MCTP1: variants seen among roughly 807,000 people sequenced by gnomAD.
MCTP1 encodes multiple C2 and transmembrane domain containing 1.
A neutral mutation model predicts 120.6 loss-of-function variants in MCTP1; 69 were observed. The observed-to-expected ratio is 0.57, with a 90% confidence interval of 0.47 to 0.70. MCTP1 has a LOEUF of 0.70. MCTP1 is among the 30% of genes least tolerant of loss of function. The pLI is 0.00. For missense variants in MCTP1, 1,203 were observed against 1,248.8 expected (o/e 0.96, Z 0.55); for synonymous variants, 529 against 493.1 (o/e 1.07, Z -0.96).
intron 1 of MCTP1, among the ~76,000 whole-genome samples, chr5:95,261,938 T>A (rs154063): frequency 0.86 from 130,357 of 152,214 alleles, 56,037 homozygotes; most frequent in African/African-American, 0.93. Flanking sequence ...GGGCTGGGAC[T>A]GCAGAGTTTC....
chr5:94,942,194 G>A (rs1349034930), intron 4 of MCTP1, among the ~76,000 whole-genome samples, 154 bp downstream of exon 4: 3 of 151,930 alleles, frequency 2.0e-5, no homozygotes, highest in Admixed American at 2.0e-4. Context: ...ATTTCCACTG[G>A]GTAAGTGAGG....
intron 1 of MCTP1, among the ~76,000 whole-genome samples, chr5:95,216,476 A>C (rs1382870000): frequency 2.6e-5 from 4 of 152,102 alleles, no homozygotes; most frequent in African/African-American, 9.7e-5. Context: ...CTTGGCATTT[A>C]TTCCTCTACA....
At chr5:95,202,723 CT>C (rs1562233523) in intron 1 of MCTP1, among the ~76,000 whole-genome samples, 2 of 151,974 alleles carry the variant, frequency 1.3e-5, no homozygotes, top group Admixed American at 6.6e-5. Context: ...CAATCTTTCT[CT>C]TTTTTCTTTT....
chr5:94,801,355 A>G (rs1781200061), intron 17 of MCTP1, among the ~76,000 whole-genome samples: 1 of 152,220 alleles, frequency 6.6e-6, no homozygotes, highest in Non-Finnish European at 1.5e-5. Flanking sequence ...AGTTCTATAG[A>G]TCTACTATAT....
chr5:95,015,538 A>C (rs1487049001), intron 2 of MCTP1, among the ~76,000 whole-genome samples: 1 of 152,024 alleles, frequency 6.6e-6, no homozygotes, highest in African/African-American at 2.4e-5. Context: ...ATTAGTTTCT[A>C]GCTTTTGATT....
At chr5:95,118,026 G>A (rs764467116) in intron 1 of MCTP1, among the ~76,000 whole-genome samples, 2 of 152,150 alleles carry the variant, frequency 1.3e-5, no homozygotes, top group Non-Finnish European at 2.9e-5. Flanking sequence ...GTCAAGGGGT[G>A]AGGTGGAGGG....
chr5:94,921,895 G>C (rs1811747151), intron 7 of MCTP1, among the ~76,000 whole-genome samples: 1 of 152,120 alleles, frequency 6.6e-6, no homozygotes, highest in South Asian at 2.1e-4. Flanking sequence ...TTTATACAAG[G>C]TATTTTTATT....
intron 1 of MCTP1, among the ~76,000 whole-genome samples, chr5:95,053,398 G>C (rs974022976): frequency 1.3e-5 from 2 of 152,130 alleles, no homozygotes; most frequent in Non-Finnish European, 2.9e-5. Flanking sequence ...CATGAGCTTC[G>C]GGATTCTTTT....
At chr5:94,990,679 T>C (rs955943429) in intron 2 of MCTP1, among the ~76,000 whole-genome samples, 18 of 152,204 alleles carry the variant, frequency 1.2e-4, no homozygotes, top group Admixed American at 1.0e-3. Flanking sequence ...TATTCCATTA[T>C]ATCACAGATT....
rs1176364334 is a variant in MCTP1, at chr5:94,733,972, A to AAAAAG, written c.2611-19091_2611-19087dup. Among the ~76,000 whole-genome samples, 6 of 152,062 alleles carry AAAAAG rather than the reference A, an allele frequency of 3.9e-5. No individual in the cohort carries two copies. The South Asian group carries it at 1.0e-3, about 26-fold the overall frequency. ...TAGCAAGACTCTGTCTGAAAAAAAA[A>AAAAAG]AAAAGAAAAGAAAAGAAAAAGGAAA... On this transcript the variant is annotated intron_variant, in intron 19 of 22. Coordinates refer to ENST00000515393, the MANE Select transcript of MCTP1 (RefSeq NM_024717.7).
At chr5:94,771,905 G>C (rs891058232) in intron 19 of MCTP1, among the ~76,000 whole-genome samples, 1 of 152,156 alleles carries the variant, frequency 6.6e-6, no homozygotes, top group African/African-American at 2.4e-5. Context: ...GGTGTAGGCA[G>C]GGCTGCATTT....
chr5:95,025,899 A>G (rs1010319027), intron 1 of MCTP1, among the ~76,000 whole-genome samples: 3 of 152,150 alleles, frequency 2.0e-5, no homozygotes, highest in Non-Finnish European at 1.5e-5. Context: ...GATTCTCCAG[A>G]CTTTTCTTAT....
chr5:95,014,900 T>C (rs183254555), intron 2 of MCTP1, among the ~76,000 whole-genome samples: 1,881 of 152,214 alleles, frequency 0.012, 16 homozygotes, highest in Middle Eastern at 0.027. Flanking sequence ...TTTATGAAAT[T>C]GCCACAGCCA....
chr5:95,176,844 T>TA (rs1170971032), intron 1 of MCTP1, among the ~76,000 whole-genome samples: 5 of 151,762 alleles, frequency 3.3e-5, no homozygotes, highest in Non-Finnish European at 5.9e-5. Flanking sequence ...GTCTCAAATA[T>TA]AAAAAATAAA....
chr5:94,982,616 G>A (rs1045503087), intron 2 of MCTP1, among the ~76,000 whole-genome samples: 2 of 152,026 alleles, frequency 1.3e-5, no homozygotes, highest in African/African-American at 4.8e-5. Context: ...TCAAAAGAAA[G>A]ATGGTCACGC....
At chr5:95,157,965 C>T (rs1480506140) in intron 1 of MCTP1, among the ~76,000 whole-genome samples, 4 of 152,180 alleles carry the variant, frequency 2.6e-5, no homozygotes, top group East Asian at 1.9e-4. Flanking sequence ...AAATATCTGC[C>T]AACCCCTGTT....
intron 1 of MCTP1, among the ~76,000 whole-genome samples, chr5:95,272,285 A>G (rs1759470964): frequency 6.6e-6 from 1 of 152,222 alleles, no homozygotes; most frequent in Non-Finnish European, 1.5e-5. Flanking sequence ...TAATAAAAAA[A>G]TTGCCTGATT....
intron 19 of MCTP1, among the ~76,000 whole-genome samples, chr5:94,717,309 G>A (rs577499377): frequency 7.2e-5 from 11 of 152,158 alleles, no homozygotes; most frequent in Admixed American, 3.9e-4. Context: ...AAAGGCCTTC[G>A]ATAAAATTCA....
At chr5:95,169,754 T>C (rs1478904577) in intron 1 of MCTP1, among the ~76,000 whole-genome samples, 1 of 152,178 alleles carries the variant, frequency 6.6e-6, no homozygotes, top group Non-Finnish European at 1.5e-5. Flanking sequence ...CCCTTTATCA[T>C]TTTTTATTGC....
Sources: allele counts gnomAD v4.1 joint callset (sites outside exome capture counted in the v4.1 genomes callset), GRCh38; gene constraint gnomAD v4.1.1; transcripts MANE v1.5; gene names NCBI Gene and HGNC (gene_info 2026-07-23, HGNC 2026-07-21).